PIEZO1: variants seen among roughly 807,000 people sequenced by gnomAD.
PIEZO1 encodes the protein piezo-type mechanosensitive ion channel component 1.
A neutral mutation model predicts 297.2 loss-of-function variants in PIEZO1; 296 were observed. That is an observed-to-expected ratio of 1.00 (90% CI 0.91 to 1.10). The LOEUF is 1.10. Among genes scored for constraint, PIEZO1 ranks in the 50% least tolerant of loss-of-function variants. The probability of loss-of-function intolerance (pLI) is 0.00; values close to 1 mark genes in which losing one functional copy is unlikely to be tolerated. For missense variants in PIEZO1, 5,018 were observed against 3,455.5 expected (o/e 1.45, Z -11.34); for synonymous variants, 2,427 against 1,507.5 (o/e 1.61, Z -14.13).
chr16:88,720,117 A>G lies in PIEZO1; in HGVS notation c.6116T>C (p.Leu2039Pro). Residue 2039 changes from leucine to proline, a missense_variant, in exon 42 of 51, where the codon CTG becomes CCG. Transcript: ENST00000301015. ...GAAGAACATCCATAGGTGGATGGCC[A>G]GCACCAGCGCCACCTGGAAGGCCAG... Reference protein sequence around the residue: ...GKLAFQVALVLAIHLWMFFIL... With the variant: ...GKLAFQVALVPAIHLWMFFIL... The G allele has an allele frequency of 3.9e-6, 6 of 1,550,416 alleles. No individual in the cohort carries two copies. Among genetic ancestry groups the G allele is most frequent in the Non-Finnish European group, 5.2e-6 (6 of 1,146,988 alleles).
rs2142809763 is a variant in PIEZO1, at chr16:88,732,559, G to T, written c.2791-24C>A. ...TTCTGCGGAGGGCAAGGGTCAGGGGGCAGCCGGGTACTCGCCCGCCCAGCC... is the reference window on the plus strand; with the variant it reads ...TTCTGCGGAGGGCAAGGGTCAGGGGTCAGCCGGGTACTCGCCCGCCCAGCC... On this transcript the variant is annotated intron_variant, in intron 20 of 50. Transcript: ENST00000301015. 1.3e-6 allele frequency: 2 copies of T among 1,543,376 alleles called. No homozygotes were observed. The highest frequency in any genetic ancestry group is 1.4e-5 in the African/African-American group (1 of 73,006).
intron 44 of PIEZO1, chr16:88,717,851 T>G (rs747564329): frequency 1.8e-5 from 8 of 434,714 alleles, no homozygotes; most frequent in South Asian, 1.3e-4. Flanking sequence ...ACAACCCAAC[T>G]GCTGGGTGTG....
chr16:88,723,195 C>A (rs1904295769), intron 32 of PIEZO1, 31 bp downstream of exon 32: 3 of 1,548,992 alleles, frequency 1.9e-6, no homozygotes, highest in Admixed American at 3.9e-5. Context: ...CCCGCGGCTT[C>A]CCCTCAGAGT....
chr16:88,761,795 C>T (rs1352605752), intron 1 of PIEZO1, among the ~76,000 whole-genome samples: 1 of 151,308 alleles, frequency 6.6e-6, no homozygotes, highest in Non-Finnish European at 1.5e-5. Flanking sequence ...TCCCCACAGA[C>T]GACCAGCAGC....
chr16:88,730,152 C>G (rs752775996), intron 22 of PIEZO1, among the ~76,000 whole-genome samples: 1 of 152,232 alleles, frequency 6.6e-6, no homozygotes, highest in African/African-American at 2.4e-5. Flanking sequence ...CTGAGGCAGC[C>G]CTGTAGCAAC....
In PIEZO1 at chr16:88,726,386, C is replaced by T; in HGVS notation, c.3866G>A (p.Ser1289Asn). ...CAGCAGCAGGAAGAAGAAGCAGACG[C>T]TGTCCCAGATGATGCCAGCCTCCTC... is the stretch of plus-strand genomic sequence containing the variant. ...PVEEAGIIWD[S>N]VCFFFLLLQR... The change falls in exon 27 of 51, where the codon AGC (serine) becomes AAC (asparagine). Residue 1289 changes from serine (S) to asparagine (N), a missense_variant. By Grantham distance (46) the Ser-to-Asn change is conservative. Coordinates refer to ENST00000301015, the MANE Select transcript of PIEZO1 (RefSeq NM_001142864.4). 1 of 1,550,452 alleles carries T rather than the reference C, an allele frequency of 6.4e-7. No individual in the cohort carries two copies. The highest frequency in any genetic ancestry group is 8.7e-7 in the Non-Finnish European group (1 of 1,146,906).
At chr16:88,741,387 G>A (rs1299129175) in intron 5 of PIEZO1, 91 bp downstream of exon 5, 6 of 1,224,394 alleles carry the variant, frequency 4.9e-6, no homozygotes, top group Non-Finnish European at 6.6e-6. Flanking sequence ...GTCTACATCT[G>A]TTTTAAAAAG....
rs536572416 is a variant in PIEZO1 at position 88,716,726 on chromosome 16, G to C, written c.6759C>G (p.Ala2253=). The C allele has an allele frequency of 3.6e-5, 56 of 1,548,032 alleles. No individual in the cohort carries two copies. In the South Asian group the frequency reaches 6.2e-4, roughly 17 times the overall value. ...LSRQFDPQPL[A]MQFISQYSPE... The stretch of plus-strand genomic sequence containing the variant: ...GGCTGTACTGGCTGATGAACTGCAT[G>C]GCCAGCTGGGTACAAGTGACACCCT... Residue 2253 remains alanine, a synonymous_variant, in exon 47 of 51, where the codon GCC becomes GCG. Coordinates refer to ENST00000301015, the MANE Select transcript of PIEZO1 (RefSeq NM_001142864.4).
chr16:88,784,936 A>G lies in PIEZO1; in HGVS notation c.29T>C (p.Leu10Pro), dbSNP rs1471690434. 7.1e-7 allele frequency: 1 copy of G among 1,402,334 alleles called. No homozygotes were observed. The highest frequency in any genetic ancestry group is 9.3e-7 in the Non-Finnish European group (1 of 1,071,582). The allele number at this position is 1,402,334 out of a possible 1,614,324, so 86.9% of individuals were successfully genotyped here. A position where few individuals can be genotyped will look rare whatever the true frequency, so the allele number is the denominator to read the frequency against. Reference sequence around the variant, plus strand: ...CGCGCAGGGCAGCAGCAGCCAGTACAGGACCGCGCCGAGCACGTGCGGCTC... The same window carrying G: ...CGCGCAGGGCAGCAGCAGCCAGTACGGGACCGCGCCGAGCACGTGCGGCTC... MEPHVLGAV[L>P]YWLLLPCALL... Residue 10 changes from leucine (L) to proline (P), a missense_variant, in exon 1 of 51, where the codon CTG becomes CCG. By Grantham distance (98) the Leu-to-Pro change is moderately conservative (BLOSUM62 -3). Coordinates refer to ENST00000301015, the MANE Select transcript of PIEZO1 (RefSeq NM_001142864.4).
chr16:88,722,706 G>T lies in PIEZO1; in HGVS notation c.4669-17C>A. 4 of 1,534,850 alleles carry T rather than the reference G, an allele frequency of 2.6e-6. No homozygotes were observed. The highest frequency in any genetic ancestry group is 3.4e-4 in the Middle Eastern group (2 of 5,938). ...TTCGCCGCCCTGCAGGGCACAGCAG[G>T]GGGCTCAGGGCTGCGTCCAGCTCTT... On this transcript the variant is annotated splice_polypyrimidine_tract_variant and intron_variant, in intron 34 of 50. Coordinates refer to ENST00000301015, the MANE Select transcript of PIEZO1 (RefSeq NM_001142864.4).
At position 88,725,482 on chromosome 16, in the gene PIEZO1, G is replaced by A; in HGVS notation, c.4096C>T (p.Gln1366Ter). The change falls in exon 29 of 51, where the codon CAG becomes TAG. Residue 1366 changes from glutamine to a stop codon, truncating the protein, a stop_gained. Transcript: ENST00000301015. LOFTEE classifies it high-confidence loss of function. ...RIRAKQEKHR[Q>*]GRVDRSRPQD... is the part of the protein sequence containing the mutation. The stretch of plus-strand genomic sequence containing the variant: ...GGGCGACTGCGGTCCACCCGGCCCT[G>A]CCTGTGCTTCTCCTGCTTGGCACGG... 6.6e-7 allele frequency: 1 copy of A among 1,524,814 alleles called. No individual in the cohort carries two copies. Among genetic ancestry groups the A allele is most frequent in the Non-Finnish European group, 8.8e-7 (1 of 1,132,124 alleles). The allele number at this position is 1,524,814 out of a possible 1,614,324, so 94.5% of individuals were successfully genotyped here.
In PIEZO1 at chr16:88,725,989, G is replaced by C. The variant is rs115571199; in HGVS notation, c.3968+295C>G. 1.4e-3 allele frequency: 792 copies of C among 568,232 alleles called. 6 individuals carry two copies. Among genetic ancestry groups the C allele is most frequent in the African/African-American group, 0.013 (709 of 53,458 alleles). The allele number at this position is 568,232 out of a possible 1,614,324, so 35.2% of individuals were successfully genotyped here. A position where few individuals can be genotyped will look rare whatever the true frequency, so the allele number is the denominator to read the frequency against. On this transcript the variant is annotated intron_variant, in intron 27 of 50. Transcript: ENST00000301015. ...CCTGGGGCAGTCGTGACACCACACAGTGGCCCTCCCGCTGGTGGAGAAACT... is the reference window on the plus strand; with the variant it reads ...CCTGGGGCAGTCGTGACACCACACACTGGCCCTCCCGCTGGTGGAGAAACT...
At chr16:88,724,020 C>G in intron 30 of PIEZO1, 49 bp from the exon 31 acceptor site, 1 of 1,143,308 alleles carries the variant, frequency 8.7e-7, no homozygotes, top group Non-Finnish European at 1.3e-6. Context: ...GGGAGACTCC[C>G]AGCCAGACCC....
In PIEZO1 at chr16:88,721,428, G is replaced by A; in HGVS notation, c.5406C>T (p.Cys1802=). The part of the protein sequence containing the change: ...ALFFHRSQLL[C]YGLWDHEEDS... ...CCTCCTCATGGTCCCAGAGGCCATA[G>A]CACTGAGGGGCGGGAGGGTGTGGTG... is the stretch of plus-strand genomic sequence containing the variant. Residue 1802 remains cysteine (C), a splice_region_variant and synonymous_variant, in exon 39 of 51, where the codon TGC becomes TGT. Coordinates refer to ENST00000301015, the MANE Select transcript of PIEZO1 (RefSeq NM_001142864.4). The A allele has an allele frequency of 2.6e-6, 4 of 1,546,600 alleles. No homozygotes were observed. Among genetic ancestry groups the A allele is most frequent in the Non-Finnish European group, 3.5e-6 (4 of 1,144,170 alleles).
chr16:88,715,418 A>T lies in PIEZO1; in HGVS notation c.*187T>A. 1 of 942,164 alleles carries T rather than the reference A, an allele frequency of 1.1e-6. No individual in the cohort carries two copies. The highest frequency in any genetic ancestry group is 1.6e-6 in the Non-Finnish European group (1 of 642,410). The allele number at this position is 942,164 out of a possible 1,614,324, so 58.4% of individuals were successfully genotyped here. On this transcript the variant is annotated 3_prime_UTR_variant, in exon 51 of 51. Coordinates refer to ENST00000301015, the MANE Select transcript of PIEZO1 (RefSeq NM_001142864.4). ...AGTACACGTGGGGGACGGCAGCGCC[A>T]CGCAGGCCGTGGGGACGCAGTGTCC...
At position 88,733,375 on chromosome 16, in the gene PIEZO1, C is replaced by G; in HGVS notation, c.2567G>C (p.Cys856Ser). 1 of 1,550,196 alleles carries G rather than the reference C, an allele frequency of 6.5e-7. No individual in the cohort carries two copies. The change falls in exon 19 of 51, where the codon TGC becomes TCC. Residue 856 changes from cysteine (C) to serine (S), a missense_variant. By Grantham distance (112) the Cys-to-Ser change is moderately radical. Coordinates refer to ENST00000301015, the MANE Select transcript of PIEZO1 (RefSeq NM_001142864.4). Reference sequence around the variant, plus strand: ...GACGCAGGTCCACACGGTGGACAGGCAGGAGGCCATGGGCCGGAAGCGTGG... The same window carrying G: ...GACGCAGGTCCACACGGTGGACAGGGAGGAGGCCATGGGCCGGAAGCGTGG... Reference protein sequence around the residue: ...PYPRFRPMASCLSTVWTCVII... With the variant: ...PYPRFRPMASSLSTVWTCVII...
Position 88,737,829 on chromosome 16 carries a change from G to T in PIEZO1, c.1021-15C>A. 6.5e-7 allele frequency: 1 copy of T among 1,535,354 alleles called. No individual in the cohort carries two copies. The highest frequency in any genetic ancestry group is 2.4e-5 in the East Asian group (1 of 40,906). On this transcript the variant is annotated splice_polypyrimidine_tract_variant and intron_variant, in intron 8 of 50. Coordinates refer to ENST00000301015, the MANE Select transcript of PIEZO1 (RefSeq NM_001142864.4). ...GCCTCCTTCCTCTGCAGAGACCAGC[G>T]TCTTGAGCCCAAACCAGCTCCACAC... is the stretch of plus-strand genomic sequence containing the variant.
chr16:88,732,678 A>G lies in PIEZO1; in HGVS notation c.2719T>C (p.Tyr907His), dbSNP rs1418438952. The G allele has an allele frequency of 2.6e-6, 4 of 1,549,542 alleles. No individual in the cohort carries two copies. Among genetic ancestry groups the G allele is most frequent in the Non-Finnish European group, 3.5e-6 (4 of 1,146,440 alleles). The change falls in exon 20 of 51, where the codon TAC (tyrosine) becomes CAC (histidine). Residue 907 changes from tyrosine (Y) to histidine (H), a missense_variant. Coordinates refer to ENST00000301015, the MANE Select transcript of PIEZO1 (RefSeq NM_001142864.4). Reference sequence around the variant, plus strand: ...TTGGCAGGGTCCACGGGCCCCCGGTACAGCAGGGACTGGCTGATCTCCGTG... The same window carrying G: ...TTGGCAGGGTCCACGGGCCCCCGGTGCAGCAGGGACTGGCTGATCTCCGTG... ...LPTEISQSLLYRGPVDPANWF... is the reference protein window; with the variant it reads ...LPTEISQSLLHRGPVDPANWF...
At chr16:88,750,518 C>T (rs1263888759) in intron 1 of PIEZO1, among the ~76,000 whole-genome samples, 1 of 152,234 alleles carries the variant, frequency 6.6e-6, no homozygotes, top group African/African-American at 2.4e-5. Context: ...CAGAAGGTCC[C>T]GGGGCCTGGC....
Sources: allele counts gnomAD v4.1 joint callset (sites outside exome capture counted in the v4.1 genomes callset), GRCh38; gene constraint gnomAD v4.1.1; transcripts MANE v1.5; gene names NCBI Gene and HGNC (gene_info 2026-07-23, HGNC 2026-07-21).